KITLG: variants seen among roughly 807,000 people sequenced by gnomAD.
KITLG encodes c-Kit ligand.
A neutral mutation model predicts 34.1 loss-of-function variants in KITLG; 13 were observed. That is an observed-to-expected ratio of 0.38 (90% CI 0.25 to 0.61). KITLG has a LOEUF of 0.61. KITLG is among the 20% of genes least tolerant of loss of function. KITLG has a pLI of 0.60. For synonymous variants in KITLG, 110 were observed against 104.0 expected (o/e 1.06, Z -0.35); for missense variants, 292 against 318.9 (o/e 0.92, Z 0.64).
chr12:88,506,027 T>C (rs1279438309), intron 8 of KITLG, among the ~76,000 whole-genome samples: 1 of 152,180 alleles, frequency 6.6e-6, no homozygotes, highest in African/African-American at 2.4e-5. Flanking sequence ...ACCAGGAGTC[T>C]GAGAAGATTC....
At chr12:88,539,375 C>A (rs1283023273) in intron 2 of KITLG, among the ~76,000 whole-genome samples, 3 of 152,032 alleles carry the variant, frequency 2.0e-5, no homozygotes, top group Admixed American at 6.6e-5. Context: ...TCAGACCTAG[C>A]AAAGTTTAAT....
intron 8 of KITLG, 49 bp from the exon 9 acceptor site, chr12:88,505,284 T>A (rs1467356356): frequency 7.0e-7 from 1 of 1,424,660 alleles, no homozygotes; most frequent in Non-Finnish European, 9.9e-7. Flanking sequence ...TCAGAGATTC[T>A]GAGGTACACC....
chr12:88,546,748 T>C (rs575237590), intron 1 of KITLG, among the ~76,000 whole-genome samples: 2 of 152,252 alleles, frequency 1.3e-5, no homozygotes, highest in East Asian at 3.9e-4. Context: ...TCAAATTCAA[T>C]AACCATTTAT....
rs1353426096 is a variant in KITLG, at chr12:88,509,992, T to A, written c.605-2855A>T. ...GCAAAGATAGCCTGCAGAGAATTTA[T>A]GTGGAGAGGAAGCTCATCTGGGCCG... On this transcript the variant is annotated intron_variant, in intron 6 of 9. Coordinates refer to ENST00000644744, the MANE Select transcript of KITLG (RefSeq NM_000899.5). 3.3e-5 allele frequency among the ~76,000 whole-genome samples: 5 copies of A among 152,154 alleles called. No homozygotes were observed. In the East Asian group the frequency reaches 9.6e-4, roughly 29 times the overall value.
rs986777597 is a variant in KITLG at position 88,507,815 on chromosome 12, A to G, written c.605-678T>C. Among the ~76,000 whole-genome samples the G allele has an allele frequency of 4.6e-5, 7 of 152,280 alleles. No individual in the cohort carries two copies. In the East Asian group the frequency reaches 7.7e-4, roughly 17 times the overall value. On this transcript the variant is annotated intron_variant, in intron 6 of 9. Transcript: ENST00000644744. ...ATACTACGTCTAAATAAGAAACTCA[A>G]TGAGAGAGAACATATATGGAATTGG...
Position 88,569,932 on chromosome 12 carries a change from A to T in KITLG, c.15+10332T>A, listed in dbSNP as rs996377291. Among the ~76,000 whole-genome samples, 3 of 152,230 alleles carry T rather than the reference A, an allele frequency of 2.0e-5. No individual in the cohort carries two copies. In the East Asian group the frequency reaches 5.8e-4, roughly 29 times the overall value. On this transcript the variant is annotated intron_variant, in intron 1 of 9. Transcript: ENST00000644744. ...GTTGGATTGATAAGAAATGAACAAA[A>T]CAAAGGCCACAATATAAATGGCTGG... is the stretch of plus-strand genomic sequence containing the variant.
chr12:88,574,658 C>T (rs1262868797), intron 1 of KITLG, among the ~76,000 whole-genome samples: 1 of 152,178 alleles, frequency 6.6e-6, no homozygotes, highest in Non-Finnish European at 1.5e-5. Context: ...CTTTCTACTA[C>T]ATCATCAGAT....
At chr12:88,565,910 T>C (rs1871427948) in intron 1 of KITLG, among the ~76,000 whole-genome samples, 1 of 152,184 alleles carries the variant, frequency 6.6e-6, no homozygotes, top group South Asian at 2.1e-4. Flanking sequence ...GAAATCAACA[T>C]TTTTCCTCTT....
At chr12:88,531,135 A>G (rs1870068946) in intron 3 of KITLG, among the ~76,000 whole-genome samples, 1 of 152,224 alleles carries the variant, frequency 6.6e-6, no homozygotes, top group African/African-American at 2.4e-5. Context: ...ACTTCAAAGT[A>G]TAGAAGCTTA....
At chr12:88,569,886 AT>A (rs1037775535) in intron 1 of KITLG, among the ~76,000 whole-genome samples, 45 of 152,036 alleles carry the variant, frequency 3.0e-4, no homozygotes, top group East Asian at 3.9e-4. Flanking sequence ...TGCAGAAAAT[AT>A]TTTTTTTAAT....
chr12:88,512,527 T>C lies in KITLG; in HGVS notation c.604+3007A>G, dbSNP rs1592840635. Among the ~76,000 whole-genome samples the C allele has an allele frequency of 1.3e-5, 2 of 152,082 alleles. 1 individual carries two copies. Among genetic ancestry groups the C allele is most frequent in the Middle Eastern group, 6.8e-3 (2 of 294 alleles). On this transcript the variant is annotated intron_variant, in intron 6 of 9. Coordinates refer to ENST00000644744, the MANE Select transcript of KITLG (RefSeq NM_000899.5). ...CCCCAAATTTGAGGGAAAACAAATA[T>C]ATAGATCCAAAAGCTTGACAAATCT...
rs1460022386 is a variant in KITLG at position 88,545,818 on chromosome 12, A to T, written c.63T>A (p.Pro21=). ...TGCAGATCCCTTCAGTTTTGACGAG[A>T]GGATTAAATAGGAGCAGCTGAAGAT... ...CIYLQLLLFN[P]LVKTEGICRN... Residue 21 remains proline (P), a synonymous_variant, in exon 2 of 10, where the codon CCT becomes CCA. Coordinates refer to ENST00000644744, the MANE Select transcript of KITLG (RefSeq NM_000899.5). The T allele has an allele frequency of 7.4e-6, 12 of 1,612,686 alleles. No individual in the cohort carries two copies. Among genetic ancestry groups the T allele is most frequent in the Non-Finnish European group, 1.0e-5 (12 of 1,178,940 alleles).
chr12:88,523,547 C>T (rs1226601184), intron 3 of KITLG, among the ~76,000 whole-genome samples: 1 of 152,146 alleles, frequency 6.6e-6, no homozygotes, highest in Non-Finnish European at 1.5e-5. Flanking sequence ...TTCAGTTAAT[C>T]CAGAGTCATA....
rs539110941 is a variant in KITLG at position 88,497,309 on chromosome 12, T to C, written c.*38-128A>G. 1.7e-4 allele frequency: 40 copies of C among 232,734 alleles called. 1 individual carries two copies. In the South Asian group the frequency reaches 1.8e-3, roughly 10 times the overall value. 14.4% of individuals were successfully genotyped at this position (232,734 alleles called of 1,614,324 possible). On this transcript the variant is annotated intron_variant, in intron 9 of 9. Transcript: ENST00000644744. ...ATTTGCAATGTATGCTTCACTTATA[T>C]AGCAGAAAAGAACTTCATAAATATT...
At chr12:88,541,007 G>C (rs938999158) in intron 2 of KITLG, among the ~76,000 whole-genome samples, 1 of 152,052 alleles carries the variant, frequency 6.6e-6, no homozygotes, top group African/African-American at 2.4e-5. Flanking sequence ...GAAAAGCTTA[G>C]AATTCATCCA....
chr12:88,506,460 T>C, intron 7 of KITLG, 82 bp from the exon 8 acceptor site: 2 of 952,556 alleles, frequency 2.1e-6, no homozygotes, highest in Non-Finnish European at 3.4e-6. Context: ...TCCACTTTTA[T>C]CTTTTATGGC....
At chr12:88,524,041 C>T (rs998611979) in intron 3 of KITLG, among the ~76,000 whole-genome samples, 2 of 152,152 alleles carry the variant, frequency 1.3e-5, no homozygotes, top group Non-Finnish European at 2.9e-5. Context: ...AGGGCAGCAA[C>T]GATGAACTAG....
At chr12:88,517,673 A>G (rs569744578) in intron 4 of KITLG, among the ~76,000 whole-genome samples, 3 of 152,286 alleles carry the variant, frequency 2.0e-5, no homozygotes, top group African/African-American at 7.2e-5. Context: ...CACTATATGC[A>G]GTAGTAATAT....
At chr12:88,503,774 T>C (rs2120795223) in intron 9 of KITLG, among the ~76,000 whole-genome samples, 1 of 152,322 alleles carries the variant, frequency 6.6e-6, no homozygotes, top group South Asian at 2.1e-4. Flanking sequence ...CATGCGTTTA[T>C]GTTCCGTGCA....
Sources: gnomAD v4.1 joint callset for allele counts (sites outside exome capture counted in the v4.1 genomes callset) on GRCh38, gnomAD v4.1.1 for gene constraint, MANE v1.5 for transcripts, NCBI Gene and HGNC (gene_info 2026-07-23, HGNC 2026-07-21) for gene names.